The following SYNDIG1L variants were observed in gnomAD, a reference collection of about 807,000 sequenced individuals.
The protein encoded by SYNDIG1L is synapse differentiation-inducing gene protein 1-like.
In SYNDIG1L, 13 loss-of-function variants were observed where a neutral mutation model predicts 20.1. The ratio of observed to expected loss-of-function variants is 0.65; its 90% CI spans 0.42 to 1.03. SYNDIG1L has a LOEUF of 1.03. SYNDIG1L is among the 50% of genes least tolerant of loss of function. The pLI, the probability that SYNDIG1L is intolerant of heterozygous loss-of-function variation, is 0.00. For missense variants in SYNDIG1L, 294 were observed against 305.1 expected (o/e 0.96, Z 0.27); for synonymous variants, 128 against 129.3 (o/e 0.99, Z 0.07).
chr14:74,452,770 C>T, the SYNDIG1L span, among the ~76,000 whole-genome samples: 2 of 152,148 alleles, frequency 1.3e-5, no homozygotes, highest in Non-Finnish European at 2.9e-5. Context: ...TAAGTCTGTA[C>T]AAAGATTTGT....
chr14:74,412,018 G>A (rs376470241), intron 1 of SYNDIG1L, among the ~76,000 whole-genome samples: 7 of 152,318 alleles, frequency 4.6e-5, no homozygotes, highest in East Asian at 1.9e-4. Flanking sequence ...TGTGGCAGAC[G>A]TCTCTCCACA....
the SYNDIG1L span, among the ~76,000 whole-genome samples, chr14:74,444,106 T>C: frequency 6.6e-6 from 1 of 152,168 alleles, no homozygotes; most frequent in East Asian, 1.9e-4. Flanking sequence ...TCATTCTTGT[T>C]GCCCAGGCTG....
At chr14:74,479,941 G>A in the SYNDIG1L span, 1 of 1,260,480 alleles carries the variant, frequency 7.9e-7, no homozygotes, top group Non-Finnish European at 1.0e-6. Context: ...CAGCCCACAT[G>A]CAGAAGACAA....
the SYNDIG1L span, among the ~76,000 whole-genome samples, chr14:74,446,359 A>C: frequency 6.6e-6 from 1 of 152,216 alleles, no homozygotes; most frequent in Non-Finnish European, 1.5e-5. Flanking sequence ...GCACCAAAAA[A>C]ATTAATGATA....
the SYNDIG1L span, among the ~76,000 whole-genome samples, chr14:74,463,662 A>C: frequency 6.6e-6 from 1 of 152,214 alleles, no homozygotes; most frequent in African/African-American, 2.4e-5. Context: ...CCTCAGATGG[A>C]GAAGCCTAAG....
chr14:74,464,393 C>T, the SYNDIG1L span, among the ~76,000 whole-genome samples: 2 of 152,084 alleles, frequency 1.3e-5, no homozygotes, highest in Non-Finnish European at 2.9e-5. Context: ...TTCAGTTAAT[C>T]CTCGCCAAAC....
At chr14:74,430,311 G>A (rs1301598380), upstream of SYNDIG1L, among the ~76,000 whole-genome samples, 1 of 152,202 alleles carries the variant, frequency 6.6e-6, no homozygotes, top group Non-Finnish European at 1.5e-5. Flanking sequence ...CTGGAGCAAG[G>A]ATGAGTGAGC....
chr14:74,468,600 A>C, the SYNDIG1L span, among the ~76,000 whole-genome samples: 5 of 151,932 alleles, frequency 3.3e-5, no homozygotes, highest in East Asian at 1.9e-4. Context: ...CTCTTCCCCC[A>C]CACACACTGC....
the SYNDIG1L span, among the ~76,000 whole-genome samples, chr14:74,463,710 C>T: frequency 6.6e-6 from 1 of 152,180 alleles, no homozygotes; most frequent in Admixed American, 6.5e-5. Flanking sequence ...TAAGGGGGCC[C>T]TTTGCCTTAA....
chr14:74,473,952 T>C, the SYNDIG1L span: 1 of 152,256 alleles, frequency 6.6e-6, no homozygotes. Flanking sequence ...AACCTTGTTC[T>C]TCTGGTGACC....
the SYNDIG1L span, among the ~76,000 whole-genome samples, chr14:74,466,411 A>T: frequency 9.7e-4 from 147 of 152,304 alleles, no homozygotes; most frequent in African/African-American, 3.5e-3. Context: ...CAGGGAAAGG[A>T]TGAGAACAGG....
intron 1 of SYNDIG1L, among the ~76,000 whole-genome samples, chr14:74,413,776 TCA>T (rs3047686): frequency 1.2e-3 from 178 of 150,026 alleles, no homozygotes; most frequent in African/African-American, 3.5e-3. Flanking sequence ...ACATATACAC[TCA>T]CACACACACA....
intron 1 of SYNDIG1L, among the ~76,000 whole-genome samples, chr14:74,420,898 C>A (rs762378634): frequency 1.3e-5 from 2 of 152,108 alleles, no homozygotes; most frequent in Non-Finnish European, 2.9e-5. Flanking sequence ...GAAGAGAGGC[C>A]TACTGTGGAA....
chr14:74,412,470 A>T (rs2086139268), intron 1 of SYNDIG1L, among the ~76,000 whole-genome samples: 1 of 152,166 alleles, frequency 6.6e-6, no homozygotes, highest in Admixed American at 6.5e-5. Context: ...CCAGTGAGTG[A>T]TTGTATGAAA....
chr14:74,470,034 T>C, the SYNDIG1L span, among the ~76,000 whole-genome samples: 2 of 152,118 alleles, frequency 1.3e-5, no homozygotes, highest in Non-Finnish European at 2.9e-5. Flanking sequence ...GAGAAGGTTA[T>C]GAGAAAAGGA....
At chr14:74,416,673 A>AC (rs2086177995) in intron 1 of SYNDIG1L, among the ~76,000 whole-genome samples, 4 of 152,106 alleles carry the variant, frequency 2.6e-5, no homozygotes, top group African/African-American at 9.6e-5. Context: ...AAACAAACAA[A>AC]AAAGATAGAT....
At chr14:74,442,303 C>T in the SYNDIG1L span, among the ~76,000 whole-genome samples, 33 of 152,262 alleles carry the variant, frequency 2.2e-4, no homozygotes, top group Middle Eastern at 6.8e-3. Flanking sequence ...ACAAGTGCTA[C>T]CGCAAATGGC....
At chr14:74,412,530 C>T (rs2086139623) in intron 1 of SYNDIG1L, among the ~76,000 whole-genome samples, 1 of 152,170 alleles carries the variant, frequency 6.6e-6, no homozygotes, top group African/African-American at 2.4e-5. Context: ...TGATCCTATG[C>T]CCCCAAGGAA....
the SYNDIG1L span, chr14:74,480,096 G>A: frequency 6.5e-7 from 1 of 1,543,440 alleles, no homozygotes; most frequent in Non-Finnish European, 8.7e-7. Flanking sequence ...AGAGACATGA[G>A]ACAACCACTG....
Sources: gnomAD v4.1 joint callset for allele counts (sites outside exome capture counted in the v4.1 genomes callset) on GRCh38, gnomAD v4.1.1 for gene constraint, MANE v1.5 for transcripts, NCBI Gene and HGNC (gene_info 2026-07-23, HGNC 2026-07-21) for gene names.